Variants in CDC123 observed in about 807,000 individuals in gnomAD.
The protein encoded by CDC123 is translation initiation factor eIF2 assembly protein.
A neutral mutation model predicts 54.4 loss-of-function variants in CDC123; 37 were observed. That is an observed-to-expected ratio of 0.68 (90% CI 0.52 to 0.89). CDC123 has a LOEUF of 0.89. Among genes scored for constraint, CDC123 ranks in the 40% least tolerant of loss-of-function variants. The pLI, the probability that CDC123 is intolerant of heterozygous loss-of-function variation, is 0.00. For missense variants in CDC123, 361 were observed against 412.1 expected (o/e 0.88, Z 1.07); for synonymous variants, 144 against 136.8 (o/e 1.05, Z -0.37).
intron 7 of CDC123, among the ~76,000 whole-genome samples, chr10:12,231,344 C>A (rs1021967328): frequency 1.3e-5 from 2 of 151,976 alleles, no homozygotes; most frequent in African/African-American, 4.8e-5. Context: ...GAGGATAGGC[C>A]GGGCGTGGTG....
At chr10:12,235,722 A>G (rs1197844197) in intron 8 of CDC123, among the ~76,000 whole-genome samples, 15 of 152,242 alleles carry the variant, frequency 9.9e-5, no homozygotes, top group Admixed American at 7.2e-4. Context: ...TTTGAATACA[A>G]TCACATCAGC....
At chr10:12,245,781 ATCTT>A in intron 10 of CDC123, 1 of 166,738 alleles carries the variant, frequency 6.0e-6, no homozygotes, top group Admixed American at 6.3e-5. Flanking sequence ...TATGAAGAAT[ATCTT>A]TCTGGCCGGG....
chr10:12,221,618 A>G (rs1835737647), intron 6 of CDC123, among the ~76,000 whole-genome samples: 1 of 152,194 alleles, frequency 6.6e-6, no homozygotes, highest in South Asian at 2.1e-4. Flanking sequence ...CCCGTGGGCC[A>G]TGGCCCGGGA....
intron 7 of CDC123, among the ~76,000 whole-genome samples, chr10:12,232,413 C>T (rs1318031325): frequency 6.6e-6 from 1 of 152,028 alleles, no homozygotes; most frequent in Non-Finnish European, 1.5e-5. Flanking sequence ...TATATATGTA[C>T]ACATGCTTTC....
chr10:12,247,969 A>G lies in CDC123; in HGVS notation c.847-1612A>G, dbSNP rs1269990825. Reference sequence around the variant, plus strand: ...CAGTGAGCCGAGATTGTGCCACTGCACTCCAGCCTGGGCGACAGGGCAAGA... The same window carrying G: ...CAGTGAGCCGAGATTGTGCCACTGCGCTCCAGCCTGGGCGACAGGGCAAGA... On this transcript the variant is annotated intron_variant, in intron 11 of 12. Transcript: ENST00000281141. The G allele has an allele frequency of 3.3e-5, 5 of 151,948 alleles. No individual in the cohort carries two copies. In the East Asian group the frequency reaches 7.8e-4, roughly 24 times the overall value. 9.4% of individuals were successfully genotyped at this position (151,948 alleles called of 1,614,324 possible). A position where few individuals can be genotyped will look rare whatever the true frequency, so the allele number is the denominator to read the frequency against.
chr10:12,249,492 A>G, intron 11 of CDC123, 89 bp from the exon 12 acceptor site: 2 of 1,315,410 alleles, frequency 1.5e-6, no homozygotes, highest in Non-Finnish European at 2.1e-6. Flanking sequence ...CATGGAGTTG[A>G]AATTGTTTTG....
Position 12,207,924 on chromosome 10 carries a change from G to A in CDC123, c.147-2043G>A, listed in dbSNP as rs574670254. ...ATGTGCAAGGTAAGGAGATGGATAT[G>A]TCTCGCTGCTCCCTGGATGGACTTC... On this transcript the variant is annotated intron_variant, in intron 2 of 12. Transcript: ENST00000281141. Among the ~76,000 whole-genome samples the A allele has an allele frequency of 7.9e-5, 12 of 152,300 alleles. No individual in the cohort carries two copies. In the South Asian group the frequency reaches 2.5e-3, roughly 32 times the overall value.
intron 10 of CDC123, chr10:12,244,703 C>T (rs1330828961): frequency 1.4e-5 from 2 of 145,420 alleles, no homozygotes; most frequent in Non-Finnish European, 3.0e-5. Flanking sequence ...ATTGTACAGA[C>T]GGAACACTTA....
chr10:12,204,837 A>G (rs1835495065), intron 2 of CDC123, among the ~76,000 whole-genome samples: 1 of 151,856 alleles, frequency 6.6e-6, no homozygotes, highest in Admixed American at 6.6e-5. Context: ...AACTAAAACT[A>G]CAAAAATTAG....
chr10:12,214,463 A>G (rs779257940), intron 4 of CDC123, among the ~76,000 whole-genome samples: 1 of 151,998 alleles, frequency 6.6e-6, no homozygotes, highest in Non-Finnish European at 1.5e-5. Context: ...TCTCTAAATT[A>G]CTCTAGTCTC....
intron 11 of CDC123, among the ~76,000 whole-genome samples, chr10:12,249,331 G>A (rs1009620294): frequency 3.3e-5 from 5 of 152,130 alleles, no homozygotes; most frequent in Non-Finnish European, 7.3e-5. Context: ...CCAGCTACTT[G>A]GGAGGCTGAA....
intron 2 of CDC123, among the ~76,000 whole-genome samples, chr10:12,200,352 C>T (rs923497269): frequency 1.9e-4 from 28 of 151,030 alleles, no homozygotes; most frequent in Admixed American, 4.6e-4. Flanking sequence ...TCTTGAACTC[C>T]TGACCTCAGG....
intron 6 of CDC123, 144 bp downstream of exon 6, chr10:12,217,611 A>G: frequency 1.3e-6 from 1 of 765,706 alleles, no homozygotes; most frequent in Non-Finnish European, 1.9e-6. Context: ...TGACCTGTTA[A>G]AGCAAATCTT....
chr10:12,215,324 G>C (rs1835649270), intron 4 of CDC123, among the ~76,000 whole-genome samples: 1 of 152,198 alleles, frequency 6.6e-6, no homozygotes, highest in South Asian at 2.1e-4. Context: ...CTTCCTGCAA[G>C]TGGAAGGGCT....
At position 12,235,141 on chromosome 10, in the gene CDC123, T is replaced by G. The variant is rs1327151675; in HGVS notation, c.565+18T>G. On this transcript the variant is annotated intron_variant, in intron 8 of 12. Coordinates refer to ENST00000281141, the MANE Select transcript of CDC123 (RefSeq NM_006023.3). ...GCTTATTGGTGAGTTTTTGTTTGTT[T>G]GTTTGTTTTATCCTTCAAAGTCATC... 1 of 1,598,448 alleles carries G rather than the reference T, an allele frequency of 6.3e-7. No homozygotes were observed. Among genetic ancestry groups the G allele is most frequent in the African/African-American group, 1.4e-5 (1 of 71,882 alleles).
intron 6 of CDC123, among the ~76,000 whole-genome samples, chr10:12,221,830 G>C (rs1004099021): frequency 6.7e-6 from 1 of 149,580 alleles, no homozygotes; most frequent in Non-Finnish European, 1.5e-5. Context: ...GCTATCATTA[G>C]TGTTAGTGTA....
intron 2 of CDC123, among the ~76,000 whole-genome samples, chr10:12,199,447 A>C (rs1173885382): frequency 6.6e-6 from 1 of 152,210 alleles, no homozygotes; most frequent in Non-Finnish European, 1.5e-5. Flanking sequence ...ACTTACTTCC[A>C]CCTGACAATT....
chr10:12,202,163 T>G (rs541432313), intron 2 of CDC123, among the ~76,000 whole-genome samples: 28 of 152,334 alleles, frequency 1.8e-4, no homozygotes, highest in African/African-American at 6.5e-4. Flanking sequence ...GTATAGGTCT[T>G]AAGTGTACAA....
intron 6 of CDC123, among the ~76,000 whole-genome samples, chr10:12,223,078 T>C (rs1167378901): frequency 1.3e-5 from 2 of 151,044 alleles, no homozygotes; most frequent in Non-Finnish European, 3.0e-5. Flanking sequence ...GTATTTTTAG[T>C]AGAGACGGGG....
Sources: allele counts gnomAD v4.1 joint callset (sites outside exome capture counted in the v4.1 genomes callset), GRCh38; gene constraint gnomAD v4.1.1; transcripts MANE v1.5; gene names NCBI Gene and HGNC (gene_info 2026-07-23, HGNC 2026-07-21).